The following GPC5 variants were observed in gnomAD, a reference collection of about 807,000 sequenced individuals.
The protein encoded by GPC5 is glypican 5.
GPC5 carries 47 observed loss-of-function variants against 53.9 expected under a neutral mutation model. That is an observed-to-expected ratio of 0.87 (90% CI 0.69 to 1.11). The LOEUF is 1.11. Ranked by LOEUF, GPC5 falls within the 50% of genes most tolerant of loss-of-function variation. The probability of loss-of-function intolerance (pLI) is 0.00; values close to 1 mark genes in which losing one functional copy is unlikely to be tolerated. For synonymous variants in GPC5, 286 were observed against 263.3 expected (o/e 1.09, Z -0.84); for missense variants, 748 against 713.1 (o/e 1.05, Z -0.56).
At chr13:92,039,351 A>G (rs916594698) in intron 6 of GPC5, among the ~76,000 whole-genome samples, 33 of 152,234 alleles carry the variant, frequency 2.2e-4, no homozygotes, top group African/African-American at 7.5e-4. Flanking sequence ...AACAGAGTAG[A>G]AGAGGCAGCA....
At position 91,907,995 on chromosome 13, in the gene GPC5, A is replaced by C. The variant is rs781394550; in HGVS notation, c.1339A>C (p.Lys447Gln). ...IKAQSGNPEV[K>Q]VKGIDPVINQ... ...AGCCCAGTCTGGAAATCCTGAAGTC[A>C]AAGTCAAAGGAATTGATCCTGTGAT... Residue 447 changes from lysine to glutamine, a missense_variant, in exon 6 of 8, where the codon AAA becomes CAA. Coordinates refer to ENST00000377067, the MANE Select transcript of GPC5 (RefSeq NM_004466.6). 6.3e-7 allele frequency: 1 copy of C among 1,594,542 alleles called. No homozygotes were observed.
At chr13:91,696,277 A>T (rs2035877602) in intron 3 of GPC5, among the ~76,000 whole-genome samples, 1 of 152,200 alleles carries the variant, frequency 6.6e-6, no homozygotes, top group Admixed American at 6.5e-5. Flanking sequence ...TTTCAAAGAG[A>T]GTGCTCTTTT....
intron 7 of GPC5, among the ~76,000 whole-genome samples, chr13:92,290,869 C>T (rs1375338068): frequency 6.6e-6 from 1 of 152,132 alleles, no homozygotes; most frequent in African/African-American, 2.4e-5. Flanking sequence ...GCTCCCTTAG[C>T]TTGCGGGGAG....
intron 6 of GPC5, among the ~76,000 whole-genome samples, chr13:91,975,527 T>C (rs1198842098): frequency 6.6e-6 from 1 of 152,148 alleles, no homozygotes; most frequent in African/African-American, 2.4e-5. Context: ...AAAATGCTCA[T>C]CATCACTGGC....
intron 7 of GPC5, among the ~76,000 whole-genome samples, chr13:92,384,392 G>A (rs962039607): frequency 1.3e-5 from 2 of 152,064 alleles, no homozygotes; most frequent in South Asian, 4.2e-4. Context: ...GTTTTTTCCT[G>A]CTATGTTGGA....
chr13:92,048,776 G>A (rs1324170491), intron 6 of GPC5, among the ~76,000 whole-genome samples: 1 of 152,028 alleles, frequency 6.6e-6, no homozygotes, highest in Non-Finnish European at 1.5e-5. Flanking sequence ...ATATGACACC[G>A]AGCAGTCACA....
intron 5 of GPC5, among the ~76,000 whole-genome samples, chr13:91,844,563 C>T (rs2038826734): frequency 6.6e-6 from 1 of 152,152 alleles, no homozygotes; most frequent in Non-Finnish European, 1.5e-5. Context: ...GCAGTGGCCA[C>T]TGAGTGGGAA....
chr13:92,322,609 ATAG>A (rs1305057914), intron 7 of GPC5, among the ~76,000 whole-genome samples: 5 of 152,176 alleles, frequency 3.3e-5, no homozygotes, highest in African/African-American at 4.8e-5. Context: ...TGCTATGAAC[ATAG>A]TAGGCATTCA....
At chr13:91,835,833 T>C (rs180933045) in intron 5 of GPC5, among the ~76,000 whole-genome samples, 3 of 151,984 alleles carry the variant, frequency 2.0e-5, no homozygotes, top group Admixed American at 1.3e-4. Context: ...TGTATACCTA[T>C]GTAACAAAAC....
At chr13:91,637,667 C>A (rs942512906) in intron 2 of GPC5, among the ~76,000 whole-genome samples, 1 of 152,166 alleles carries the variant, frequency 6.6e-6, no homozygotes, top group Non-Finnish European at 1.5e-5. Flanking sequence ...ATTGAATCCA[C>A]CTATCCAAAA....
intron 7 of GPC5, among the ~76,000 whole-genome samples, chr13:92,361,723 A>C (rs2043568903): frequency 6.6e-6 from 1 of 151,664 alleles, no homozygotes; most frequent in African/African-American, 2.4e-5. Context: ...GAGAAGAAAG[A>C]GGGTGCTGAT....
intron 7 of GPC5, among the ~76,000 whole-genome samples, chr13:92,494,121 G>C (rs1408579257): frequency 4.0e-5 from 6 of 150,944 alleles, no homozygotes; most frequent in African/African-American, 1.5e-4. Flanking sequence ...ACGGAGTCTC[G>C]CTCTGTCGCC....
chr13:91,702,436 G>A (rs1230642530), intron 3 of GPC5, among the ~76,000 whole-genome samples: 1 of 151,986 alleles, frequency 6.6e-6, no homozygotes, highest in Non-Finnish European at 1.5e-5. Context: ...TCTTATGTTA[G>A]TCCAAAATTA....
chr13:92,834,784 T>C (rs969458680), intron 7 of GPC5, among the ~76,000 whole-genome samples: 2 of 152,082 alleles, frequency 1.3e-5, no homozygotes, highest in Non-Finnish European at 2.9e-5. Flanking sequence ...CTTTGGAAAG[T>C]GAAGTGACTA....
chr13:92,446,030 T>C (rs1283791180), intron 7 of GPC5, among the ~76,000 whole-genome samples: 4 of 152,274 alleles, frequency 2.6e-5, no homozygotes, highest in African/African-American at 7.2e-5. Context: ...GCATGTAATG[T>C]GTAATAATTA....
intron 7 of GPC5, among the ~76,000 whole-genome samples, chr13:92,568,192 A>C (rs1231272145): frequency 6.6e-6 from 1 of 152,084 alleles, no homozygotes; most frequent in African/African-American, 2.4e-5. Context: ...ACTTACTACT[A>C]TTATTTATTA....
intron 7 of GPC5, among the ~76,000 whole-genome samples, chr13:92,767,136 T>C (rs1875433576): frequency 6.6e-6 from 1 of 151,736 alleles, no homozygotes; most frequent in Non-Finnish European, 1.5e-5. Context: ...ACATTGTTTT[T>C]GTTTGTTTGT....
intron 7 of GPC5, among the ~76,000 whole-genome samples, chr13:92,534,608 A>G (rs577989659): frequency 2.6e-5 from 4 of 152,314 alleles, no homozygotes; most frequent in African/African-American, 9.6e-5. Flanking sequence ...CTGGACCTTT[A>G]CTGCAAAATA....
chr13:92,017,866 C>T (rs1030127480), intron 6 of GPC5, among the ~76,000 whole-genome samples: 14 of 151,686 alleles, frequency 9.2e-5, no homozygotes, highest in South Asian at 4.2e-4. Flanking sequence ...CACACATACG[C>T]GTGCATGAGT....
Sources: allele counts gnomAD v4.1 joint callset (sites outside exome capture counted in the v4.1 genomes callset), GRCh38; gene constraint gnomAD v4.1.1; transcripts MANE v1.5; gene names NCBI Gene and HGNC (gene_info 2026-07-23, HGNC 2026-07-21).